The following CFAP299 variants were observed in gnomAD, a reference collection of about 807,000 sequenced individuals.
CFAP299 encodes the protein cilia- and flagella-associated protein 299.
A neutral mutation model predicts 27.0 loss-of-function variants in CFAP299; 21 were observed. That is an observed-to-expected ratio of 0.78 (90% CI 0.55 to 1.12). The LOEUF is 1.12. Ranked by LOEUF, CFAP299 falls within the 50% of genes most tolerant of loss-of-function variation. The pLI, the probability that CFAP299 is intolerant of heterozygous loss-of-function variation, is 0.00. For synonymous variants in CFAP299, 104 were observed against 98.1 expected (o/e 1.06, Z -0.36); for missense variants, 310 against 276.6 (o/e 1.12, Z -0.86).
chr4:80,447,751 C>G (rs1471428853), intron 2 of CFAP299, among the ~76,000 whole-genome samples: 4 of 152,174 alleles, frequency 2.6e-5, no homozygotes, highest in Admixed American at 1.3e-4. Flanking sequence ...CCATGCCCGG[C>G]CAACAATTGC....
At chr4:80,799,856 AATATATAT>A (rs1728265151) in intron 3 of CFAP299, among the ~76,000 whole-genome samples, 1 of 27,266 alleles carries the variant, frequency 3.7e-5, no homozygotes, top group Non-Finnish European at 5.2e-5. Flanking sequence ...ATAATATATA[AATATATAT>A]TATATATATT....
chr4:80,903,285 T>G (rs1312909650), intron 4 of CFAP299, among the ~76,000 whole-genome samples: 3 of 152,080 alleles, frequency 2.0e-5, no homozygotes, highest in African/African-American at 7.2e-5. Context: ...TTTTTCCTGT[T>G]GGCTCAAAAA....
rs139570755 is a variant in CFAP299, at chr4:80,384,799, T to C, written c.242+21915T>C. On this transcript the variant is annotated intron_variant, in intron 2 of 5. Transcript: ENST00000358105. ...TTCTAATTTAAGCACCTCAGGGACA[T>C]AGAGTTAAGTCAATGTCCTCCTCAT... 1.9e-3 allele frequency among the ~76,000 whole-genome samples: 282 copies of C among 152,240 alleles called. 1 individual carries two copies. The highest frequency in any genetic ancestry group is 6.2e-3 in the African/African-American group (256 of 41,558).
At chr4:80,444,217 C>T (rs1010929238) in intron 2 of CFAP299, among the ~76,000 whole-genome samples, 18 of 152,116 alleles carry the variant, frequency 1.2e-4, no homozygotes, top group African/African-American at 4.3e-4. Context: ...ACCTGTATAG[C>T]CAAGACAATG....
intron 3 of CFAP299, among the ~76,000 whole-genome samples, chr4:80,769,239 G>A (rs186694692): frequency 2.0e-5 from 3 of 152,046 alleles, no homozygotes; most frequent in Non-Finnish European, 2.9e-5. Flanking sequence ...AATACACTAC[G>A]GTATGACATG....
At chr4:80,799,564 AATAT>A (rs1156986369) in intron 3 of CFAP299, among the ~76,000 whole-genome samples, 1 of 76,062 alleles carries the variant, frequency 1.3e-5, no homozygotes, top group Non-Finnish European at 2.2e-5. Flanking sequence ...ATATTTAATA[AATAT>A]ATATATTTAT....
chr4:80,524,880 A>G (rs1356666787), intron 2 of CFAP299, among the ~76,000 whole-genome samples: 1 of 152,156 alleles, frequency 6.6e-6, no homozygotes, highest in Non-Finnish European at 1.5e-5. Context: ...ACGAAGCTGC[A>G]TTCAGGTGTT....
intron 2 of CFAP299, chr4:80,388,805 A>C (rs1725174071): frequency 2.4e-6 from 1 of 414,738 alleles, no homozygotes; most frequent in East Asian, 4.1e-5. Context: ...GCAAACAATG[A>C]TGTTTCTATT....
intron 3 of CFAP299, among the ~76,000 whole-genome samples, chr4:80,810,439 A>G (rs1486695892): frequency 6.6e-6 from 1 of 151,978 alleles, no homozygotes; most frequent in East Asian, 1.9e-4. Context: ...GGGTCTTTGC[A>G]TATATAATTA....
At chr4:80,326,289 A>G in the CFAP299 span, among the ~76,000 whole-genome samples, 4 of 152,184 alleles carry the variant, frequency 2.6e-5, no homozygotes, top group Middle Eastern at 3.2e-3. Context: ...CCTATAATAC[A>G]GCAACCTGTG....
chr4:80,795,705 G>A (rs549237898), intron 3 of CFAP299, among the ~76,000 whole-genome samples: 40 of 152,264 alleles, frequency 2.6e-4, no homozygotes, highest in African/African-American at 9.4e-4. Flanking sequence ...TGCTGTGCAT[G>A]ACCCACTTTA....
chr4:80,330,320 G>A, the CFAP299 span, among the ~76,000 whole-genome samples: 3 of 152,036 alleles, frequency 2.0e-5, 1 homozygote, highest in South Asian at 4.1e-4. Context: ...TGATGATCAC[G>A]TCTTTGCAAA....
chr4:80,443,422 A>T (rs1371790044), intron 2 of CFAP299, among the ~76,000 whole-genome samples: 2 of 152,216 alleles, frequency 1.3e-5, no homozygotes, highest in African/African-American at 4.8e-5. Context: ...AGAACCAATG[A>T]CAAAAACCAC....
At chr4:80,394,168 G>T (rs780773674) in intron 2 of CFAP299, among the ~76,000 whole-genome samples, 2 of 152,110 alleles carry the variant, frequency 1.3e-5, no homozygotes, top group Non-Finnish European at 2.9e-5. Flanking sequence ...TAAAACCTCT[G>T]CCCTTTATAT....
At chr4:80,945,032 T>G in intron 5 of CFAP299, 93 bp downstream of exon 5, 1 of 1,213,272 alleles carries the variant, frequency 8.2e-7, no homozygotes, top group South Asian at 1.3e-5. Context: ...TTGACACTCT[T>G]AAGTTGTTAA....
At chr4:80,792,078 TTGTGTC>T (rs1727605461) in intron 3 of CFAP299, among the ~76,000 whole-genome samples, 1 of 152,060 alleles carries the variant, frequency 6.6e-6, no homozygotes, top group African/African-American at 2.4e-5. Flanking sequence ...ATATATGACT[TTGTGTC>T]TGTAGCTTGA....
upstream of CFAP299, among the ~76,000 whole-genome samples, chr4:80,331,671 GAA>G (rs1268676897): frequency 6.6e-6 from 1 of 152,166 alleles, no homozygotes; most frequent in Non-Finnish European, 1.5e-5. Flanking sequence ...CCTGTGTGTT[GAA>G]AGAGGGAACA....
At chr4:80,960,482 A>C (rs1355432415) in intron 5 of CFAP299, among the ~76,000 whole-genome samples, 1 of 151,874 alleles carries the variant, frequency 6.6e-6, no homozygotes, top group Non-Finnish European at 1.5e-5. Context: ...CATAAGTGAA[A>C]GATTTTAGGG....
intron 5 of CFAP299, among the ~76,000 whole-genome samples, chr4:80,951,469 G>A (rs925112076): frequency 6.6e-6 from 1 of 152,158 alleles, no homozygotes; most frequent in African/African-American, 2.4e-5. Flanking sequence ...ACATAACAGT[G>A]AGCTACTTTG....
Sources: gnomAD v4.1 joint callset for allele counts (sites outside exome capture counted in the v4.1 genomes callset) on GRCh38, gnomAD v4.1.1 for gene constraint, MANE v1.5 for transcripts, NCBI Gene and HGNC (gene_info 2026-07-23, HGNC 2026-07-21) for gene names.